USP34: variants seen among roughly 807,000 people sequenced by gnomAD.
USP34 encodes the protein ubiquitin specific peptidase 34.
Under a neutral mutation model 460.3 loss-of-function variants are expected in USP34, and 70 were observed. The observed-to-expected ratio is 0.15, with a 90% confidence interval of 0.13 to 0.19. The LOEUF (loss-of-function observed/expected upper bound fraction) is 0.19, where lower values mean the gene tolerates loss of function less well. Ranked by LOEUF, USP34 falls within the 10% of genes least tolerant of loss-of-function variation. The pLI is 1.00. For synonymous variants in USP34, 1,647 were observed against 1,405.3 expected (o/e 1.17, Z -3.85); for missense variants, 3,985 against 4,236.2 (o/e 0.94, Z 1.65).
chr2:61,280,973 T>TA (rs577948962), intron 38 of USP34, 117 bp downstream of exon 38: 869 of 1,131,268 alleles, frequency 7.7e-4, no homozygotes, highest in Non-Finnish European at 9.7e-4. Flanking sequence ...ATCCTCTTGG[T>TA]AAAAAATCAC....
intron 10 of USP34, among the ~76,000 whole-genome samples, chr2:61,360,211 A>T (rs1329278817): frequency 6.6e-6 from 1 of 152,146 alleles, no homozygotes; most frequent in Non-Finnish European, 1.5e-5. Flanking sequence ...AAGAGAGAAG[A>T]CTTAAGGAAT....
At position 61,339,516 on chromosome 2, in the gene USP34, T is replaced by C. The variant is rs759433221; in HGVS notation, c.2617-38A>G. 27 of 1,561,208 alleles carry C rather than the reference T, an allele frequency of 1.7e-5. No individual in the cohort carries two copies. In the South Asian group the frequency reaches 2.3e-4, roughly 13 times the overall value. On this transcript the variant is annotated intron_variant, in intron 17 of 79. Transcript: ENST00000398571. Reference sequence around the variant, plus strand: ...TATATAAAATTACTATTTATCCTAATTGCATCTTGCTGAAATTTCTTACTC... The same window carrying C: ...TATATAAAATTACTATTTATCCTAACTGCATCTTGCTGAAATTTCTTACTC...
rs1328162104 is a variant in USP34, at chr2:61,281,225, T to C, written c.5016A>G (p.Glu1672=). ...LLIPETAVRH[E]SCSGLYKLSL... is the part of the protein sequence containing the mutation. Reference sequence around the variant, plus strand: ...ATAACTTATAGAGACCACTGCATGATTCATGACGAACTGCAGTCTAGATGA... The same window carrying C: ...ATAACTTATAGAGACCACTGCATGACTCATGACGAACTGCAGTCTAGATGA... Residue 1672 remains glutamate (E), a synonymous_variant, in exon 38 of 80, where the codon GAA becomes GAG. Coordinates refer to ENST00000398571, the MANE Select transcript of USP34 (RefSeq NM_014709.4). 1.2e-6 allele frequency: 2 copies of C among 1,613,294 alleles called. No individual in the cohort carries two copies. The highest frequency in any genetic ancestry group is 1.7e-6 in the Non-Finnish European group (2 of 1,179,724).
At chr2:61,312,624 AG>A (rs1333573052) in intron 25 of USP34, among the ~76,000 whole-genome samples, 1 of 152,222 alleles carries the variant, frequency 6.6e-6, no homozygotes, top group African/African-American at 2.4e-5. Context: ...TGAGCAAAAG[AG>A]TAACCTTAAA....
chr2:61,220,676 T>C (rs1011891486), intron 66 of USP34, among the ~76,000 whole-genome samples: 6 of 152,214 alleles, frequency 3.9e-5, no homozygotes, highest in Admixed American at 3.3e-4. Flanking sequence ...ACAAAATGAA[T>C]TTAAAATAAC....
chr2:61,312,482 G>T (rs1272526436), intron 25 of USP34, among the ~76,000 whole-genome samples: 1 of 150,608 alleles, frequency 6.6e-6, no homozygotes, highest in African/African-American at 2.4e-5. Flanking sequence ...TTTCAGATGT[G>T]GAAGACAGGA....
chr2:61,275,926 G>T (rs1689359500), intron 41 of USP34, among the ~76,000 whole-genome samples: 1 of 152,054 alleles, frequency 6.6e-6, no homozygotes, highest in Non-Finnish European at 1.5e-5. Flanking sequence ...TAAAAAAATA[G>T]TAATAATAAA....
chr2:61,269,444 T>C (rs536290360), intron 41 of USP34, among the ~76,000 whole-genome samples: 205 of 151,842 alleles, frequency 1.4e-3, no homozygotes, highest in Non-Finnish European at 2.5e-3. Context: ...GGGATTACAG[T>C]TGAGAGTTTA....
In USP34 at chr2:61,470,640, G is replaced by A. The variant is rs528220585; in HGVS notation, c.43+10C>T. 3 of 1,588,526 alleles carry A rather than the reference G, an allele frequency of 1.9e-6. No homozygotes were observed. In the East Asian group the frequency reaches 7.1e-5, roughly 37 times the overall value. On this transcript the variant is annotated intron_variant, in intron 1 of 79. Coordinates refer to ENST00000398571, the MANE Select transcript of USP34 (RefSeq NM_014709.4). ...GTGCACCCCGACAGGCCGCTACCGC[G>A]GCTACTTACTTTCATTTAACACCTC...
At chr2:61,204,205 C>A (rs1384882385) in intron 74 of USP34, 51 bp downstream of exon 74, 4 of 1,605,558 alleles carry the variant, frequency 2.5e-6, no homozygotes, top group Non-Finnish European at 3.4e-6. Context: ...GGAAAAATTT[C>A]AAATTACTTT....
At chr2:61,397,741 A>G (rs991949597) in intron 3 of USP34, among the ~76,000 whole-genome samples, 4 of 152,198 alleles carry the variant, frequency 2.6e-5, no homozygotes, top group South Asian at 4.1e-4. Context: ...TCTATTAAAA[A>G]TACACAAATT....
chr2:61,437,093 A>G (rs1458924455), intron 1 of USP34, among the ~76,000 whole-genome samples: 1 of 152,210 alleles, frequency 6.6e-6, no homozygotes, highest in Non-Finnish European at 1.5e-5. Context: ...ATGCCAAGAA[A>G]CTGGAAAGAT....
intron 3 of USP34, among the ~76,000 whole-genome samples, chr2:61,396,631 G>A (rs973461908): frequency 1.8e-4 from 28 of 152,022 alleles, no homozygotes; most frequent in African/African-American, 6.8e-4. Context: ...CGGGATTACA[G>A]GCGCCCACCA....
intron 3 of USP34, among the ~76,000 whole-genome samples, chr2:61,396,983 C>A (rs1314077970): frequency 6.6e-6 from 1 of 152,068 alleles, no homozygotes; most frequent in Non-Finnish European, 1.5e-5. Context: ...ATCTTACATA[C>A]AGACAAAACA....
intron 23 of USP34, 106 bp from the exon 24 acceptor site, chr2:61,315,080 G>A (rs1300034607): frequency 1.4e-6 from 1 of 708,240 alleles, no homozygotes; most frequent in East Asian, 2.9e-5. Context: ...CTATTATTCA[G>A]CTATTAAATA....
chr2:61,409,899 G>T (rs1178433376), intron 2 of USP34, among the ~76,000 whole-genome samples: 8 of 152,016 alleles, frequency 5.3e-5, no homozygotes, highest in Admixed American at 5.2e-4. Flanking sequence ...TCTAACAGGG[G>T]AACACACACG....
intron 7 of USP34, among the ~76,000 whole-genome samples, chr2:61,378,913 G>GAAAAAAAAAAAAAAAAAAAAAAAA (rs34463913): frequency 1.7e-5 from 1 of 57,870 alleles, no homozygotes; most frequent in Non-Finnish European, 2.8e-5. Flanking sequence ...TCAAAAAAAC[G>GAAAAAAAAAAAAAAAAAAAAAAAA]AAAAAAAAAA....
intron 68 of USP34, among the ~76,000 whole-genome samples, 197 bp from the exon 69 acceptor site, chr2:61,212,126 A>G (rs1687287026): frequency 6.6e-6 from 1 of 152,212 alleles, no homozygotes; most frequent in Non-Finnish European, 1.5e-5. Flanking sequence ...GATGCCTAGC[A>G]CTTTGGGAGG....
chr2:61,432,267 C>T (rs1338854248), intron 1 of USP34, among the ~76,000 whole-genome samples: 3 of 151,758 alleles, frequency 2.0e-5, no homozygotes, highest in East Asian at 1.9e-4. Context: ...TGAATTCAGG[C>T]GTTCAAGACC....
Sources: gnomAD v4.1 joint callset for allele counts (sites outside exome capture counted in the v4.1 genomes callset) on GRCh38, gnomAD v4.1.1 for gene constraint, MANE v1.5 for transcripts, NCBI Gene and HGNC (gene_info 2026-07-23, HGNC 2026-07-21) for gene names.